Variants in FAAH2 observed in about 807,000 individuals in gnomAD.
FAAH2 encodes the protein fatty acid amide hydrolase 2.
Under a neutral mutation model 36.9 loss-of-function variants are expected in FAAH2, and 60 were observed. The ratio of observed to expected loss-of-function variants is 1.63; its 90% CI spans 1.32 to 2.02. The LOEUF is 2.02. Ranked by LOEUF, FAAH2 falls within the 30% of genes most tolerant of loss-of-function variation. The pLI, the probability that FAAH2 is intolerant of heterozygous loss-of-function variation, is 0.00. For missense variants in FAAH2, 689 were observed against 397.5 expected, an observed-to-expected ratio of 1.73 and a Z score of -6.23; for synonymous variants, 214 against 143.8, an observed-to-expected ratio of 1.49 and a Z score of -3.49.
the FAAH2 span, among the ~76,000 whole-genome samples, chrX:57,165,023 G>C: frequency 8.9e-6 from 1 of 111,831 alleles, no homozygotes; most frequent in African/African-American, 3.3e-5. Context: ...TAAAATAATT[G>C]GGCATAGCAT....
At chrX:57,353,848 C>T (rs1000577953) in intron 5 of FAAH2, among the ~76,000 whole-genome samples, 1 of 110,882 alleles carries the variant, frequency 9.0e-6, no homozygotes, top group Non-Finnish European at 1.9e-5. Context: ...ATATGAAAAA[C>T]GCTCAGTATC....
At chrX:57,292,454 T>C (rs1602172026) in intron 1 of FAAH2, 44 bp from the exon 2 acceptor site, 1 of 1,086,693 alleles carries the variant, frequency 9.2e-7, no homozygotes. Flanking sequence ...GAATGAATTG[T>C]TTAGTGAATA....
At chrX:57,161,272 G>A in the FAAH2 span, among the ~76,000 whole-genome samples, 9 of 111,296 alleles carry the variant, frequency 8.1e-5, no homozygotes, top group Admixed American at 7.7e-4. Flanking sequence ...GGAGTGCTTT[G>A]CTTCCAACTA....
the FAAH2 span, among the ~76,000 whole-genome samples, chrX:57,232,941 C>T: frequency 4.5e-5 from 5 of 112,182 alleles, no homozygotes; most frequent in African/African-American, 6.5e-5. Context: ...TCCCCTTGAG[C>T]CCTGAAGAAG....
At chrX:57,485,153 C>T (rs1160274009) in intron 10 of FAAH2, among the ~76,000 whole-genome samples, 2 of 111,982 alleles carry the variant, frequency 1.8e-5, no homozygotes, top group Middle Eastern at 4.6e-3. Flanking sequence ...CTGTGAGGCA[C>T]GTGTTACACC....
chrX:57,406,658 A>C (rs1393996450), intron 7 of FAAH2, among the ~76,000 whole-genome samples: 1 of 112,684 alleles, frequency 8.9e-6, no homozygotes. Flanking sequence ...GGTTTGCAGG[A>C]AATGCCCATC....
chrX:57,356,740 A>G (rs2054166219), intron 5 of FAAH2, among the ~76,000 whole-genome samples: 1 of 110,117 alleles, frequency 9.1e-6, no homozygotes, highest in Admixed American at 9.7e-5. Flanking sequence ...TTTTTAACTT[A>G]CTAAATTCTA....
the FAAH2 span, among the ~76,000 whole-genome samples, chrX:57,201,885 G>A: frequency 2.7e-5 from 3 of 111,428 alleles, no homozygotes; most frequent in African/African-American, 6.5e-5. Context: ...TTCTAGCTTA[G>A]TAATATTTTT....
Position 57,399,975 on chromosome X carries a change from C to T in FAAH2, c.996+18946C>T, listed in dbSNP as rs763322063. The stretch of plus-strand genomic sequence containing the variant: ...CCTTTTTCTACAAAGAAACTTCCAT[C>T]AGTATACAATTTGAGGTCGGAATCA... On this transcript the variant is annotated intron_variant, in intron 7 of 10. Coordinates refer to ENST00000374900, the MANE Select transcript of FAAH2 (RefSeq NM_174912.4). Among the ~76,000 whole-genome samples, 3 of 111,963 alleles carry T rather than the reference C, an allele frequency of 2.7e-5. No homozygotes were observed. In the East Asian group the frequency reaches 8.4e-4, roughly 31 times the overall value.
the FAAH2 span, among the ~76,000 whole-genome samples, chrX:57,183,484 C>T: frequency 1.7e-4 from 19 of 111,551 alleles, no homozygotes; most frequent in African/African-American, 3.9e-4. Context: ...AGAATTGTTG[C>T]GGGAAGTCAG....
At chrX:57,405,091 C>A (rs2055533542) in intron 7 of FAAH2, among the ~76,000 whole-genome samples, 1 of 111,949 alleles carries the variant, frequency 8.9e-6, no homozygotes, top group Non-Finnish European at 1.9e-5. Flanking sequence ...AACTGGCTGA[C>A]AGGTGCCTGG....
chrX:57,276,744 T>A, the FAAH2 span, among the ~76,000 whole-genome samples: 3 of 111,149 alleles, frequency 2.7e-5, no homozygotes, highest in African/African-American at 9.8e-5. Context: ...AAAGGGGATA[T>A]CACCACCAAT....
At chrX:57,324,516 T>C (rs767048145) in intron 3 of FAAH2, among the ~76,000 whole-genome samples, 12 of 112,063 alleles carry the variant, frequency 1.1e-4, no homozygotes, top group East Asian at 5.6e-4. Context: ...TTTATTTCAT[T>C]GAGCAGTGGT....
the FAAH2 span, among the ~76,000 whole-genome samples, chrX:57,176,097 T>G: frequency 8.9e-6 from 1 of 111,855 alleles, no homozygotes; most frequent in South Asian, 3.7e-4. Flanking sequence ...TTTTTGAGCT[T>G]CTTGTATTTG....
At chrX:57,317,304 A>C (rs2052870091) in intron 3 of FAAH2, among the ~76,000 whole-genome samples, 1 of 112,626 alleles carries the variant, frequency 8.9e-6, no homozygotes, top group African/African-American at 3.2e-5. Flanking sequence ...TAGGCTCAAA[A>C]TAAAAGGATG....
intron 7 of FAAH2, among the ~76,000 whole-genome samples, chrX:57,386,293 A>T (rs1006522902): frequency 8.9e-6 from 1 of 112,049 alleles, no homozygotes; most frequent in Non-Finnish European, 1.9e-5. Context: ...AAGGTAAATT[A>T]TAAAAGAAGT....
chrX:57,396,942 C>A (rs2055318746), intron 7 of FAAH2, among the ~76,000 whole-genome samples: 1 of 111,559 alleles, frequency 9.0e-6, no homozygotes, highest in Non-Finnish European at 1.9e-5. Flanking sequence ...ATTTACGTTT[C>A]CCACTATTTT....
At chrX:57,429,872 T>C (rs1477508450) in intron 7 of FAAH2, among the ~76,000 whole-genome samples, 3 of 111,775 alleles carry the variant, frequency 2.7e-5, no homozygotes, top group Non-Finnish European at 3.8e-5. Flanking sequence ...AAGTCATTTT[T>C]TTTTTTCCAG....
chrX:57,148,894 G>T, the FAAH2 span, among the ~76,000 whole-genome samples: 2 of 111,434 alleles, frequency 1.8e-5, no homozygotes, highest in Admixed American at 1.9e-4. Flanking sequence ...CTGGCTGTGG[G>T]TTTGTCATAG....
Sources: allele counts gnomAD v4.1 joint callset (sites outside exome capture counted in the v4.1 genomes callset), GRCh38; gene constraint gnomAD v4.1.1; transcripts MANE v1.5; gene names NCBI Gene and HGNC (gene_info 2026-07-23, HGNC 2026-07-21).